The following TADA2A variants were observed in gnomAD, a reference collection of about 807,000 sequenced individuals.
TADA2A encodes transcriptional adaptor 2A.
TADA2A carries 38 observed loss-of-function variants against 67.4 expected under a neutral mutation model. That is an observed-to-expected ratio of 0.56 (90% CI 0.44 to 0.74). The LOEUF (loss-of-function observed/expected upper bound fraction) is 0.74. TADA2A is among the 30% of genes least tolerant of loss of function. The pLI is 0.00. For missense variants in TADA2A, 454 were observed against 547.0 expected, an observed-to-expected ratio of 0.83 and a Z score of 1.70; for synonymous variants, 192 against 181.6, an observed-to-expected ratio of 1.06 and a Z score of -0.46.
Position 37,442,649 on chromosome 17 carries a change from T to A in TADA2A, c.528T>A (p.Ile176=), listed in dbSNP as rs752990695. 1 of 1,613,698 alleles carries A rather than the reference T, an allele frequency of 6.2e-7. No homozygotes were observed. The highest frequency in any genetic ancestry group is 8.5e-7 in the Non-Finnish European group (1 of 1,179,878). ...ACATGCCAGCTCGAGCAGATTTCAT[T>A]GAGGTAGGATAAATGTGTTTTTAGC... The part of the protein sequence containing the change: ...AGYMPARADF[I]EEFDNYAEWD... The change falls in exon 7 of 16, where the codon ATT becomes ATA. Residue 176 remains isoleucine, a synonymous_variant. Transcript: ENST00000615182.
At chr17:37,437,579 G>A (rs1226793012) in intron 4 of TADA2A, among the ~76,000 whole-genome samples, 159 bp from the exon 5 acceptor site, 3 of 151,842 alleles carry the variant, frequency 2.0e-5, no homozygotes. Flanking sequence ...TAGAGATGGA[G>A]TTTCACCATA....
At chr17:37,465,400 A>G (rs199999345) in intron 10 of TADA2A, 31 bp from the exon 11 acceptor site, 17 of 1,530,014 alleles carry the variant, frequency 1.1e-5, no homozygotes, top group Middle Eastern at 1.7e-4. Context: ...TACATTTCCC[A>G]TGACACATTT....
At chr17:37,442,677 A>C in intron 7 of TADA2A, 25 bp downstream of exon 7, 3 of 1,605,256 alleles carry the variant, frequency 1.9e-6, no homozygotes, top group Non-Finnish European at 2.6e-6. Flanking sequence ...TTTTTAGCAC[A>C]AAGTAGGAAA....
At chr17:37,435,996 A>G (rs2052713842) in intron 4 of TADA2A, among the ~76,000 whole-genome samples, 3 of 152,070 alleles carry the variant, frequency 2.0e-5, no homozygotes, top group South Asian at 4.1e-4. Context: ...GATTGCAGGC[A>G]TGAGCCACCA....
chr17:37,454,821 CA>C, intron 8 of TADA2A: 8 of 238,918 alleles, frequency 3.3e-5, no homozygotes, highest in East Asian at 1.1e-4. Context: ...GCTAAGGAAG[CA>C]AAAAAGGCTA....
intron 4 of TADA2A, among the ~76,000 whole-genome samples, chr17:37,429,654 A>G (rs754169471): frequency 1.3e-5 from 2 of 152,148 alleles, no homozygotes; most frequent in African/African-American, 4.8e-5. Flanking sequence ...AAGTTTAGAA[A>G]GGGTGAATCA....
intron 4 of TADA2A, among the ~76,000 whole-genome samples, chr17:37,431,205 A>G (rs1034297561): frequency 2.6e-5 from 4 of 152,116 alleles, no homozygotes; most frequent in African/African-American, 7.2e-5. Flanking sequence ...ATCTATTGCT[A>G]TGTAACAGCT....
chr17:37,451,069 C>CAGGAT (rs1458162202), intron 8 of TADA2A, among the ~76,000 whole-genome samples: 1 of 151,952 alleles, frequency 6.6e-6, no homozygotes, highest in African/African-American at 2.4e-5. Context: ...TTCTGTTGCC[C>CAGGAT]AGGATGGAAT....
chr17:37,421,603 A>T (rs1195898510), intron 2 of TADA2A, among the ~76,000 whole-genome samples: 1 of 146,224 alleles, frequency 6.8e-6, no homozygotes, highest in Non-Finnish European at 1.5e-5. Flanking sequence ...TAGGCAACAT[A>T]GTGAAACTCT....
intron 12 of TADA2A, among the ~76,000 whole-genome samples, chr17:37,468,734 AT>A (rs11328021): frequency 0.22 from 33,642 of 152,026 alleles, 3,961 homozygotes; most frequent in Middle Eastern, 0.35. Flanking sequence ...GATACTGCAT[AT>A]AAGCATAGCA....
At chr17:37,422,843 G>A (rs1825581498) in intron 2 of TADA2A, among the ~76,000 whole-genome samples, 1 of 152,154 alleles carries the variant, frequency 6.6e-6, no homozygotes, top group African/African-American at 2.4e-5. Flanking sequence ...TTCAGCAATT[G>A]TTAACATTTT....
chr17:37,437,734 T>G lies in TADA2A; in HGVS notation c.193-4T>G. On this transcript the variant is annotated splice_region_variant and splice_polypyrimidine_tract_variant and intron_variant, in intron 4 of 15. Transcript: ENST00000615182. ...GTTCTTAAGCAAAACTTTTTTCTCCTTAGACTTCAGATTTTCCTGTCCTTG... is the reference window on the plus strand; with the variant it reads ...GTTCTTAAGCAAAACTTTTTTCTCCGTAGACTTCAGATTTTCCTGTCCTTG... 1 of 1,614,010 alleles carries G rather than the reference T, an allele frequency of 6.2e-7. No individual in the cohort carries two copies. Among genetic ancestry groups the G allele is most frequent in the Non-Finnish European group, 8.5e-7 (1 of 1,179,922 alleles).
chr17:37,471,012 A>G, intron 13 of TADA2A, 82 bp from the exon 14 acceptor site: 1 of 1,401,494 alleles, frequency 7.1e-7, no homozygotes, highest in Admixed American at 1.7e-5. Context: ...CTACCTGATA[A>G]ATGGCACCCA....
chr17:37,408,383 G>C (rs1248586378), intron 1 of TADA2A: 1 of 152,204 alleles, frequency 6.6e-6, no homozygotes, highest in Non-Finnish European at 1.5e-5. Context: ...CTCCCAAGTA[G>C]CTGGATTACA....
At chr17:37,421,940 G>A (rs1208283361) in intron 2 of TADA2A, among the ~76,000 whole-genome samples, 1 of 145,384 alleles carries the variant, frequency 6.9e-6, no homozygotes, top group African/African-American at 2.5e-5. Flanking sequence ...GTGCAGTGGC[G>A]TGATCTCGGA....
intron 14 of TADA2A, among the ~76,000 whole-genome samples, chr17:37,471,762 T>C (rs1352962900): frequency 6.6e-6 from 1 of 152,148 alleles, no homozygotes; most frequent in East Asian, 1.9e-4. Context: ...CACCACGGCC[T>C]CCCAAAGTGC....
chr17:37,469,643 T>C (rs2053743381), intron 12 of TADA2A, among the ~76,000 whole-genome samples: 1 of 152,108 alleles, frequency 6.6e-6, no homozygotes, highest in Non-Finnish European at 1.5e-5. Context: ...CAAAAAAAGA[T>C]AAAAGTGGAA....
At chr17:37,427,728 C>T (rs923646561) in intron 4 of TADA2A, among the ~76,000 whole-genome samples, 2 of 152,088 alleles carry the variant, frequency 1.3e-5, no homozygotes, top group Non-Finnish European at 2.9e-5. Context: ...GCCTGTAATC[C>T]TAGCACTTCC....
intron 7 of TADA2A, 101 bp from the exon 8 acceptor site, chr17:37,444,595 T>C: frequency 1.0e-6 from 1 of 965,334 alleles, no homozygotes; most frequent in Non-Finnish European, 1.6e-6. Context: ...AACAACTGTT[T>C]GCTTGTGTTT....
Sources: allele counts gnomAD v4.1 joint callset (sites outside exome capture counted in the v4.1 genomes callset), GRCh38; gene constraint gnomAD v4.1.1; transcripts MANE v1.5; gene names NCBI Gene and HGNC (gene_info 2026-07-23, HGNC 2026-07-21).